Variants in ILRUN observed in about 807,000 individuals in gnomAD.
The protein encoded by ILRUN is protein ILRUN.
ILRUN carries 3 observed loss-of-function variants against 33.8 expected under a neutral mutation model. That is an observed-to-expected ratio of 0.09 (90% CI 0.04 to 0.23). ILRUN has a LOEUF of 0.23. ILRUN is among the 10% of genes least tolerant of loss of function. The pLI, the probability that ILRUN is intolerant of heterozygous loss-of-function variation, is 1.00. For synonymous variants in ILRUN, 124 were observed against 138.9 expected (o/e 0.89, Z 0.75); for missense variants, 210 against 375.1 (o/e 0.56, Z 3.64).
intron 1 of ILRUN, among the ~76,000 whole-genome samples, chr6:34,670,081 T>G (rs554501592): frequency 6.6e-4 from 100 of 152,132 alleles, no homozygotes; most frequent in African/African-American, 2.3e-3. Context: ...CCAGCTAATT[T>G]TTTGTATTTT....
At chr6:34,652,475 G>T (rs1397630868) in intron 2 of ILRUN, among the ~76,000 whole-genome samples, 3 of 152,144 alleles carry the variant, frequency 2.0e-5, no homozygotes, top group Non-Finnish European at 4.4e-5. Flanking sequence ...TCCTCCAAAG[G>T]TGAGTTACTT....
intron 1 of ILRUN, among the ~76,000 whole-genome samples, chr6:34,683,481 T>TATAC (rs1562033119): frequency 6.4e-5 from 7 of 108,604 alleles, no homozygotes; most frequent in African/African-American, 3.3e-4. Context: ...TACACATATA[T>TATAC]ATATACATAT....
chr6:34,631,333 T>TC (rs1453203050), intron 3 of ILRUN, among the ~76,000 whole-genome samples: 36 of 144,712 alleles, frequency 2.5e-4, no homozygotes, highest in African/African-American at 9.0e-4. Context: ...ATTCCCCTCT[T>TC]TTTTTTTTTT....
chr6:34,629,789 T>C (rs1762208108), intron 3 of ILRUN, among the ~76,000 whole-genome samples: 2 of 152,230 alleles, frequency 1.3e-5, no homozygotes, highest in East Asian at 1.9e-4. Flanking sequence ...ATTCCCATTA[T>C]GTGTGTATGT....
At chr6:34,651,251 C>G (rs753777660) in intron 2 of ILRUN, among the ~76,000 whole-genome samples, 29 of 152,294 alleles carry the variant, frequency 1.9e-4, no homozygotes, top group Middle Eastern at 3.4e-3. Context: ...TCTCTAGCAA[C>G]TGCTACCTAA....
At chr6:34,608,557 C>A (rs756952269) in intron 3 of ILRUN, among the ~76,000 whole-genome samples, 6 of 152,072 alleles carry the variant, frequency 3.9e-5, no homozygotes, top group Non-Finnish European at 8.8e-5. Flanking sequence ...ACTATGTAGA[C>A]TTCATAAACA....
intron 1 of ILRUN, among the ~76,000 whole-genome samples, chr6:34,690,135 C>T (rs1763615355): frequency 6.6e-6 from 1 of 152,062 alleles, no homozygotes; most frequent in Non-Finnish European, 1.5e-5. Flanking sequence ...CAATGAACAC[C>T]TAATGTAACA....
At chr6:34,683,459 T>A (rs1426583257) in intron 1 of ILRUN, among the ~76,000 whole-genome samples, 2 of 114,668 alleles carry the variant, frequency 1.7e-5, no homozygotes, top group African/African-American at 8.6e-5. Context: ...TATACATATA[T>A]ATACATATAT....
At chr6:34,621,861 C>A (rs1408947979) in intron 3 of ILRUN, among the ~76,000 whole-genome samples, 5 of 148,376 alleles carry the variant, frequency 3.4e-5, no homozygotes, top group South Asian at 2.1e-4. Flanking sequence ...GACTCCAGCT[C>A]AAAAAAAAAA....
At chr6:34,594,814 G>C (rs572358181) in intron 4 of ILRUN, among the ~76,000 whole-genome samples, 1 of 152,312 alleles carries the variant, frequency 6.6e-6, no homozygotes, top group African/African-American at 2.4e-5. Context: ...GTCCTGAACT[G>C]CATTTCCACA....
At chr6:34,653,134 A>G (rs1293983445) in intron 2 of ILRUN, among the ~76,000 whole-genome samples, 1 of 142,708 alleles carries the variant, frequency 7.0e-6, no homozygotes, top group Non-Finnish European at 1.5e-5. Flanking sequence ...CCTTGTCTCA[A>G]AAAAAAAAAA....
At chr6:34,695,765 C>T (rs1444320138) in intron 1 of ILRUN, among the ~76,000 whole-genome samples, 1 of 151,600 alleles carries the variant, frequency 6.6e-6, no homozygotes, top group Admixed American at 6.6e-5. Flanking sequence ...TCTAACACTC[C>T]GGGTCCTCCA....
chr6:34,598,660 G>A (rs1256960102), intron 4 of ILRUN, among the ~76,000 whole-genome samples: 1 of 152,224 alleles, frequency 6.6e-6, no homozygotes. Context: ...ATAAAATGGA[G>A]CTGGACAGCT....
At chr6:34,647,556 TAG>T (rs1562016546) in intron 2 of ILRUN, among the ~76,000 whole-genome samples, 1 of 152,102 alleles carries the variant, frequency 6.6e-6, no homozygotes, top group African/African-American at 2.4e-5. Flanking sequence ...TAGATTTTTA[TAG>T]AGTTACAGGT....
At chr6:34,627,660 T>A (rs536977525) in intron 3 of ILRUN, among the ~76,000 whole-genome samples, 11 of 152,254 alleles carry the variant, frequency 7.2e-5, no homozygotes, top group African/African-American at 2.6e-4. Flanking sequence ...TGCCATGCCA[T>A]CTGTGCATTT....
At chr6:34,651,765 A>ATATC (rs1762675085) in intron 2 of ILRUN, among the ~76,000 whole-genome samples, 1 of 146,904 alleles carries the variant, frequency 6.8e-6, no homozygotes, top group African/African-American at 2.5e-5. Context: ...ATATATATAT[A>ATATC]TCTCACTGGT....
rs1582027307 is a variant in ILRUN, at chr6:34,592,896, A to G, written c.862-2296T>C. ...TGCACAGCAAAAAGAAAACCTTGCT[A>G]GGTACGGTCGCTTATGTCTATAATC... On this transcript the variant is annotated intron_variant, in intron 4 of 4. Coordinates refer to ENST00000374023, the MANE Select transcript of ILRUN (RefSeq NM_024294.4). This position sits in a 1 kb window ranked among gnomAD's most constrained non-coding sequence, Gnocchi z 4.0. 6.6e-6 allele frequency among the ~76,000 whole-genome samples: 1 copy of G among 152,192 alleles called. No homozygotes were observed. The highest frequency in any genetic ancestry group is 1.5e-5 in the Non-Finnish European group (1 of 68,034).
intron 1 of ILRUN, among the ~76,000 whole-genome samples, chr6:34,685,985 A>G (rs1268883116): frequency 6.6e-6 from 1 of 152,212 alleles, no homozygotes; most frequent in Non-Finnish European, 1.5e-5. Context: ...CTTAGCAGAA[A>G]ACAAAGGGAT....
At position 34,659,241 on chromosome 6, in the gene ILRUN, C is replaced by G. The variant is rs765527049; in HGVS notation, c.159-4462G>C. On this transcript the variant is annotated intron_variant, in intron 1 of 4. Transcript: ENST00000374023. ...GGCTTGGTACACAGCACAGTTTCAACTGCACAGACAATGAAGTTAACCCGA... is the reference window on the plus strand; with the variant it reads ...GGCTTGGTACACAGCACAGTTTCAAGTGCACAGACAATGAAGTTAACCCGA... 4.4e-4 allele frequency among the ~76,000 whole-genome samples: 67 copies of G among 152,238 alleles called. 1 individual carries two copies. Among genetic ancestry groups the G allele is most frequent in the Non-Finnish European group, 8.4e-4 (57 of 68,038 alleles).
Sources: allele counts gnomAD v4.1 joint callset (sites outside exome capture counted in the v4.1 genomes callset), GRCh38; gene constraint gnomAD v4.1.1; non-coding constraint Gnocchi (gnomAD v3.1); transcripts MANE v1.5; gene names NCBI Gene and HGNC (gene_info 2026-07-23, HGNC 2026-07-21).